DPP6: variants seen among roughly 807,000 people sequenced by gnomAD.
DPP6 encodes A-type potassium channel modulatory protein DPP6.
DPP6 carries 69 observed loss-of-function variants against 122.6 expected under a neutral mutation model. That is an observed-to-expected ratio of 0.56 (90% CI 0.46 to 0.69). The LOEUF (loss-of-function observed/expected upper bound fraction) is 0.69. DPP6 is among the 30% of genes least tolerant of loss of function. DPP6 has a pLI of 0.00. For missense variants in DPP6, 928 were observed against 1,116.9 expected (o/e 0.83, Z 2.41); for synonymous variants, 418 against 433.1 (o/e 0.97, Z 0.43).
At chr7:153,884,697 G>A (rs746541512), upstream of DPP6, among the ~76,000 whole-genome samples, 2 of 152,120 alleles carry the variant, frequency 1.3e-5, no homozygotes. Flanking sequence ...TATGTTTGTC[G>A]GCCGGGCGCA....
At chr7:154,230,108 C>T (rs1172696434) in intron 1 of DPP6, among the ~76,000 whole-genome samples, 1 of 152,128 alleles carries the variant, frequency 6.6e-6, no homozygotes, top group Non-Finnish European at 1.5e-5. Context: ...ACATTATCCA[C>T]ATTTCCTTCT....
chr7:154,023,317 T>TGCACGCAC (rs3059905), intron 1 of DPP6, among the ~76,000 whole-genome samples: 1,402 of 40,948 alleles, frequency 0.034, 14 homozygotes, highest in Middle Eastern at 0.071. Flanking sequence ...GTTTCTTGTC[T>TGCACGCAC]GCACACACAC....
intron 1 of DPP6, among the ~76,000 whole-genome samples, chr7:154,373,300 A>T (rs1812833812): frequency 6.6e-6 from 1 of 152,228 alleles, no homozygotes; most frequent in African/African-American, 2.4e-5. Context: ...AAATGTAGAA[A>T]TAACGATTTA....
At chr7:154,536,202 G>A (rs191551272) in intron 3 of DPP6, among the ~76,000 whole-genome samples, 1 of 152,210 alleles carries the variant, frequency 6.6e-6, no homozygotes, top group East Asian at 1.9e-4. Flanking sequence ...AAAAGACTAT[G>A]TAATGTGTGA....
chr7:154,717,436 C>T (rs1841552181), intron 7 of DPP6, among the ~76,000 whole-genome samples: 1 of 140,532 alleles, frequency 7.1e-6, no homozygotes, highest in African/African-American at 2.9e-5. Flanking sequence ...CACCGTTCTA[C>T]TCTCTACTTC....
intron 1 of DPP6, among the ~76,000 whole-genome samples, chr7:153,997,232 C>T (rs887499285): frequency 1.3e-5 from 2 of 152,140 alleles, no homozygotes; most frequent in African/African-American, 2.4e-5. Context: ...GATGCTAGAT[C>T]TTCACTCCAC....
intron 1 of DPP6, among the ~76,000 whole-genome samples, chr7:154,299,060 T>C (rs1388878905): frequency 6.6e-6 from 1 of 152,208 alleles, no homozygotes; most frequent in African/African-American, 2.4e-5. Context: ...GAGAATTGAA[T>C]TTGGCTTCAG....
At chr7:153,766,198 T>A in the DPP6 span, among the ~76,000 whole-genome samples, 2 of 152,238 alleles carry the variant, frequency 1.3e-5, no homozygotes, top group African/African-American at 4.8e-5. Context: ...TTCTTTGAAC[T>A]GGGGTTAGAC....
chr7:153,900,572 A>G (rs1033314988), intron 1 of DPP6, among the ~76,000 whole-genome samples: 24 of 152,228 alleles, frequency 1.6e-4, no homozygotes, highest in African/African-American at 4.8e-4. Context: ...TCTTTTTAAC[A>G]ATCAGTTACC....
intron 1 of DPP6, among the ~76,000 whole-genome samples, chr7:154,232,186 GCTAT>G (rs777133451): frequency 4.6e-5 from 7 of 152,068 alleles, no homozygotes; most frequent in Non-Finnish European, 8.8e-5. Flanking sequence ...ACAAAATCAG[GCTAT>G]CTAACAGGCA....
At chr7:154,709,099 A>G (rs540804197) in intron 7 of DPP6, among the ~76,000 whole-genome samples, 20 of 152,334 alleles carry the variant, frequency 1.3e-4, no homozygotes, top group African/African-American at 4.6e-4. Flanking sequence ...AATATAAATT[A>G]ACCATTATAT....
At chr7:154,625,304 TAC>T (rs1226487672) in intron 5 of DPP6, among the ~76,000 whole-genome samples, 2 of 150,714 alleles carry the variant, frequency 1.3e-5, no homozygotes, top group East Asian at 2.0e-4. Flanking sequence ...ATCATGCAGA[TAC>T]ACACACAGAC....
chr7:154,493,520 T>G (rs1487101972), intron 3 of DPP6, among the ~76,000 whole-genome samples: 1 of 152,202 alleles, frequency 6.6e-6, no homozygotes, highest in African/African-American at 2.4e-5. Context: ...ATATTTGGAT[T>G]TCTTTTGTTC....
At chr7:154,525,446 C>A (rs1271035315) in intron 3 of DPP6, among the ~76,000 whole-genome samples, 1 of 152,230 alleles carries the variant, frequency 6.6e-6, no homozygotes, top group Non-Finnish European at 1.5e-5. Context: ...GCATGAACCA[C>A]TGCACCTGGT....
chr7:154,786,288 G>A (rs751406402), intron 10 of DPP6, among the ~76,000 whole-genome samples: 5 of 152,164 alleles, frequency 3.3e-5, no homozygotes, highest in Non-Finnish European at 7.3e-5. Context: ...CAAAGCTAGA[G>A]GGTATAGCTC....
rs1453163662 is a variant in DPP6, at chr7:154,126,801, T to A, written c.243+73738T>A. 2.0e-5 allele frequency among the ~76,000 whole-genome samples: 3 copies of A among 152,224 alleles called. No homozygotes were observed. The East Asian group carries it at 5.8e-4, about 29-fold the overall frequency. ...ATTTGTATGCCAAGAAGGAGGCCCC[T>A]AGCTCATGGGGCCAGCCCCAGTTTG... On this transcript the variant is annotated intron_variant, in intron 1 of 25. Transcript: ENST00000377770.
At chr7:154,752,899 G>A (rs908456672) in intron 8 of DPP6, among the ~76,000 whole-genome samples, 4 of 152,156 alleles carry the variant, frequency 2.6e-5, no homozygotes, top group East Asian at 1.9e-4. Flanking sequence ...TCTAGTGAAC[G>A]GGATTTCCAC....
chr7:154,883,055 ACACATT>A (rs545693860), intron 21 of DPP6, among the ~76,000 whole-genome samples: 23,921 of 116,212 alleles, frequency 0.21, 2,128 homozygotes, highest in African/African-American at 0.28. Context: ...ACACATGCTC[ACACATT>A]CACACACATG....
intron 1 of DPP6, among the ~76,000 whole-genome samples, chr7:154,214,104 A>G (rs1799874247): frequency 6.6e-6 from 1 of 152,198 alleles, no homozygotes; most frequent in African/African-American, 2.4e-5. Flanking sequence ...AGGCATAACC[A>G]CTAATGAGGA....
Sources: gnomAD v4.1 joint callset for allele counts (sites outside exome capture counted in the v4.1 genomes callset) on GRCh38, gnomAD v4.1.1 for gene constraint, MANE v1.5 for transcripts, NCBI Gene and HGNC (gene_info 2026-07-23, HGNC 2026-07-21) for gene names.